Variants in DNER observed in about 807,000 individuals in gnomAD.
DNER encodes the protein delta/notch like EGF repeat containing, also known as delta and Notch-like epidermal growth factor-related receptor.
Under a neutral mutation model 78.2 loss-of-function variants are expected in DNER, and 33 were observed. The ratio of observed to expected loss-of-function variants is 0.42; its 90% CI spans 0.32 to 0.56. DNER has a LOEUF of 0.56. Ranked by LOEUF, DNER falls within the 20% of genes least tolerant of loss-of-function variation. DNER has a pLI of 0.11. For missense variants in DNER, 918 were observed against 975.3 expected, an observed-to-expected ratio of 0.94 and a Z score of 0.78; for synonymous variants, 417 against 384.8, an observed-to-expected ratio of 1.08 and a Z score of -0.98.
intron 6 of DNER, among the ~76,000 whole-genome samples, chr2:229,495,046 C>T (rs1695471619): frequency 6.6e-6 from 1 of 152,124 alleles, no homozygotes; most frequent in African/African-American, 2.4e-5. Context: ...CATTTTTTTG[C>T]AATATAGATA....
intron 6 of DNER, among the ~76,000 whole-genome samples, chr2:229,477,942 G>A (rs997111448): frequency 6.6e-6 from 1 of 152,168 alleles, no homozygotes; most frequent in Non-Finnish European, 1.5e-5. Flanking sequence ...GATGTAAATC[G>A]ATTGGAACAC....
intron 1 of DNER, among the ~76,000 whole-genome samples, chr2:229,686,157 C>T (rs140198702): frequency 6.6e-6 from 1 of 152,164 alleles, no homozygotes; most frequent in Non-Finnish European, 1.5e-5. Context: ...TTTGCCAGGG[C>T]CTCTCAAAGT....
At chr2:229,530,683 T>C (rs1295174019) in intron 5 of DNER, among the ~76,000 whole-genome samples, 1 of 152,244 alleles carries the variant, frequency 6.6e-6, no homozygotes, top group African/African-American at 2.4e-5. Context: ...CTCTATCCCT[T>C]ATTGACTTGG....
intron 1 of DNER, among the ~76,000 whole-genome samples, chr2:229,622,779 T>A (rs1368373362): frequency 6.6e-6 from 1 of 151,688 alleles, no homozygotes; most frequent in Non-Finnish European, 1.5e-5. Flanking sequence ...GACAAGGGAG[T>A]GATCCATCCA....
chr2:229,464,385 A>C (rs1694761406), intron 7 of DNER, among the ~76,000 whole-genome samples: 1 of 152,236 alleles, frequency 6.6e-6, no homozygotes, highest in African/African-American at 2.4e-5. Context: ...ACAGAAAGTC[A>C]AAGTTAGATT....
At chr2:229,638,709 T>C (rs1195665647) in intron 1 of DNER, among the ~76,000 whole-genome samples, 1 of 152,216 alleles carries the variant, frequency 6.6e-6, no homozygotes, top group Admixed American at 6.5e-5. Flanking sequence ...ATTTATCTAC[T>C]GGGACCTGCA....
chr2:229,531,687 G>T (rs1211655727), intron 5 of DNER, among the ~76,000 whole-genome samples: 1 of 152,106 alleles, frequency 6.6e-6, no homozygotes, highest in Non-Finnish European at 1.5e-5. Flanking sequence ...TGAAAACAAG[G>T]ACTTAAACAA....
intron 1 of DNER, among the ~76,000 whole-genome samples, chr2:229,642,847 T>C (rs1426356014): frequency 6.6e-6 from 1 of 152,144 alleles, no homozygotes; most frequent in Non-Finnish European, 1.5e-5. Flanking sequence ...CTGAGTAGGA[T>C]CCAATGTAGT....
intron 4 of DNER, among the ~76,000 whole-genome samples, chr2:229,568,732 T>A (rs1158680021): frequency 1.3e-5 from 2 of 152,080 alleles, no homozygotes; most frequent in African/African-American, 4.8e-5. Flanking sequence ...TTTTTTAAAA[T>A]TTTATTATCT....
At chr2:229,580,567 G>T (rs1697374276) in intron 4 of DNER, among the ~76,000 whole-genome samples, 1 of 152,124 alleles carries the variant, frequency 6.6e-6, no homozygotes, top group African/African-American at 2.4e-5. Flanking sequence ...AGTATAAGAA[G>T]CTAGAAAGAC....
chr2:229,526,789 T>C (rs1696219595), intron 5 of DNER, among the ~76,000 whole-genome samples: 1 of 152,176 alleles, frequency 6.6e-6, no homozygotes, highest in Non-Finnish European at 1.5e-5. Flanking sequence ...GGACCTCTGC[T>C]CTAGAGCTTC....
intron 7 of DNER, among the ~76,000 whole-genome samples, chr2:229,473,223 T>C (rs919222528): frequency 7.9e-5 from 12 of 152,220 alleles, no homozygotes; most frequent in Admixed American, 2.0e-4. Context: ...CCAAAAATAA[T>C]AACTTCTCAC....
At chr2:229,434,119 T>C (rs1215932849) in intron 8 of DNER, among the ~76,000 whole-genome samples, 1 of 152,218 alleles carries the variant, frequency 6.6e-6, no homozygotes, top group Non-Finnish European at 1.5e-5. Context: ...AACAAAATAC[T>C]GTGACTGGGA....
At chr2:229,436,187 G>A (rs987574439) in intron 8 of DNER, among the ~76,000 whole-genome samples, 4 of 152,066 alleles carry the variant, frequency 2.6e-5, no homozygotes, top group Admixed American at 6.6e-5. Flanking sequence ...ACTTATAAGC[G>A]AGAACATGAA....
In DNER at chr2:229,647,177, A is replaced by AATACATAC. The variant is rs753508742; in HGVS notation, c.277-55297_277-55290dup. Among the ~76,000 whole-genome samples, 33 of 152,226 alleles carry AATACATAC rather than the reference A, an allele frequency of 2.2e-4. No homozygotes were observed. In the East Asian group the frequency reaches 5.6e-3, roughly 26 times the overall value. On this transcript the variant is annotated intron_variant, in intron 1 of 12. Coordinates refer to ENST00000341772, the MANE Select transcript of DNER (RefSeq NM_139072.4). ...GCAAGACTCTGTCTCAAAATAAATA[A>AATACATAC]ATACATACATACATACATACAGGGT...
chr2:229,444,504 A>G (rs748473354), intron 8 of DNER, among the ~76,000 whole-genome samples: 20 of 152,200 alleles, frequency 1.3e-4, no homozygotes, highest in Non-Finnish European at 2.5e-4. Flanking sequence ...GTTGCCTCAC[A>G]CGTGTTGAAA....
intron 10 of DNER, among the ~76,000 whole-genome samples, chr2:229,393,784 T>C (rs547995436): frequency 6.6e-6 from 1 of 151,982 alleles, no homozygotes; most frequent in East Asian, 1.9e-4. Flanking sequence ...GAGTTGGAGC[T>C]TGCAGTGAGC....
chr2:229,544,834 G>A (rs958652505), intron 5 of DNER, among the ~76,000 whole-genome samples: 1 of 151,950 alleles, frequency 6.6e-6, no homozygotes, highest in African/African-American at 2.4e-5. Flanking sequence ...GCACCTGGCC[G>A]GAAAATGCTA....
At chr2:229,713,160 A>G (rs1432138463) in intron 1 of DNER, among the ~76,000 whole-genome samples, 1 of 152,202 alleles carries the variant, frequency 6.6e-6, no homozygotes, top group African/African-American at 2.4e-5. Flanking sequence ...TAATGTAATC[A>G]TTTCAGATAA....
Sources: allele counts gnomAD v4.1 joint callset (sites outside exome capture counted in the v4.1 genomes callset), GRCh38; gene constraint gnomAD v4.1.1; transcripts MANE v1.5; gene names NCBI Gene and HGNC (gene_info 2026-07-23, HGNC 2026-07-21).